The following ASXL3 variants were observed in gnomAD, a reference collection of about 807,000 sequenced individuals.
ASXL3 encodes the protein putative Polycomb group protein ASXL3.
Under a neutral mutation model 170.6 loss-of-function variants are expected in ASXL3, and 34 were observed. That is an observed-to-expected ratio of 0.20 (90% confidence interval 0.15 to 0.27). The LOEUF (loss-of-function observed/expected upper bound fraction) is 0.27, where lower values mean the gene tolerates loss of function less well. Ranked by LOEUF, ASXL3 falls within the 10% of genes least tolerant of loss-of-function variation. The pLI is 1.00. For missense variants in ASXL3, 2,592 were observed against 2,695.3 expected, an observed-to-expected ratio of 0.96 and a Z score of 0.85; for synonymous variants, 1,002 against 989.1, an observed-to-expected ratio of 1.01 and a Z score of -0.24.
intron 7 of ASXL3, among the ~76,000 whole-genome samples, chr18:33,677,520 A>G (rs2066447716): frequency 6.6e-6 from 1 of 152,210 alleles, no homozygotes; most frequent in African/African-American, 2.4e-5. Context: ...TTACAAATAT[A>G]AGAAACTGAA....
At chr18:33,728,297 TCTA>T (rs1456787949) in intron 8 of ASXL3, among the ~76,000 whole-genome samples, 1 of 152,156 alleles carries the variant, frequency 6.6e-6, no homozygotes, top group African/African-American at 2.4e-5. Context: ...CACTGTGTCT[TCTA>T]TACATGTACT....
intron 11 of ASXL3, among the ~76,000 whole-genome samples, chr18:33,740,833 A>AT (rs1177407339): frequency 4.6e-5 from 7 of 151,930 alleles, no homozygotes; most frequent in Admixed American, 1.3e-4. Flanking sequence ...ACCCAGTGTA[A>AT]TTTTTTCTAA....
In ASXL3 at chr18:33,749,943, T is replaced by A. The variant is rs2067858216; in HGVS notation, c.*3348T>A. The A allele has an allele frequency of 6.6e-6, 1 of 152,250 alleles. No individual in the cohort carries two copies. The highest frequency in any genetic ancestry group is 1.5e-5 in the Non-Finnish European group (1 of 68,072). 9.4% of individuals were successfully genotyped at this position (152,250 alleles called of 1,614,324 possible). On this transcript the variant is annotated 3_prime_UTR_variant, in exon 12 of 12. Transcript: ENST00000269197. ...AGAATACATGTTGCTGTAGCCCCATTTCCTTTACAAACCCCCGCACAATTT... is the reference window on the plus strand; with the variant it reads ...AGAATACATGTTGCTGTAGCCCCATATCCTTTACAAACCCCCGCACAATTT...
rs2145411104 is a variant in ASXL3 at position 33,738,499 on chromosome 18, A to T, written c.1095A>T (p.Ser365=). 2 of 1,609,038 alleles carry T rather than the reference A, an allele frequency of 1.2e-6. No homozygotes were observed. The highest frequency in any genetic ancestry group is 1.1e-5 in the South Asian group (1 of 90,726). ...AATTTCTGTACAGGCTGGGCATGTC[A>T]AGAGAGGAATCTGTGAAGCTCACTA... ...ERFYGEKLGM[S]REESVKLTTG... Residue 365 remains serine (S), a synonymous_variant, in exon 11 of 12, where the codon TCA becomes TCT. Transcript: ENST00000269197.
chr18:33,666,905 C>A (rs949102099), intron 5 of ASXL3, among the ~76,000 whole-genome samples: 6 of 152,258 alleles, frequency 3.9e-5, no homozygotes, highest in Non-Finnish European at 8.8e-5. Context: ...TACAGTGGGA[C>A]AAGGATGCTG....
At chr18:33,642,384 T>C (rs949575943) in intron 2 of ASXL3, among the ~76,000 whole-genome samples, 7 of 151,910 alleles carry the variant, frequency 4.6e-5, no homozygotes, top group Non-Finnish European at 1.0e-4. Context: ...GTATTTTTCA[T>C]TGTTTTTTTA....
At chr18:33,724,567 GT>G (rs1427817106) in intron 8 of ASXL3, among the ~76,000 whole-genome samples, 1 of 152,048 alleles carries the variant, frequency 6.6e-6, no homozygotes, top group Non-Finnish European at 1.5e-5. Context: ...GGGAATAGTT[GT>G]TCTATGAGAT....
Position 33,746,271 on chromosome 18 carries a change from A to G in ASXL3, c.6423A>G (p.Lys2141=), listed in dbSNP as rs1337097335. The G allele has an allele frequency of 6.2e-7, 1 of 1,614,032 alleles. No homozygotes were observed. The highest frequency in any genetic ancestry group is 2.2e-5 in the East Asian group (1 of 44,870). ...QKPFTQLAAQ[K]MQVQQQQQLC... ...CTTTTACCCAATTAGCTGCTCAGAA[A>G]ATGCAGGTGCAGCAACAACAGCAGC... is the stretch of plus-strand genomic sequence containing the variant. Residue 2141 remains lysine (K), a synonymous_variant, in exon 12 of 12, where the codon AAA becomes AAG. Transcript: ENST00000269197.
At chr18:33,663,425 A>G (rs912544498) in intron 5 of ASXL3, among the ~76,000 whole-genome samples, 4 of 152,160 alleles carry the variant, frequency 2.6e-5, no homozygotes, top group Admixed American at 2.6e-4. Context: ...TTGTACTTTC[A>G]TCATTTTGGT....
chr18:33,656,119 C>T (rs567792296), intron 4 of ASXL3, among the ~76,000 whole-genome samples: 29 of 152,174 alleles, frequency 1.9e-4, no homozygotes, highest in African/African-American at 6.7e-4. Context: ...AGACCCCGCC[C>T]TCTATTCAGA....
intron 5 of ASXL3, among the ~76,000 whole-genome samples, chr18:33,664,066 G>T (rs955155267): frequency 6.6e-6 from 1 of 152,034 alleles, no homozygotes; most frequent in African/African-American, 2.4e-5. Context: ...TACATTAGCT[G>T]ATAATTAGCT....
chr18:33,622,388 C>A (rs2065529045), intron 2 of ASXL3, among the ~76,000 whole-genome samples: 1 of 152,074 alleles, frequency 6.6e-6, no homozygotes, highest in African/African-American at 2.4e-5. Flanking sequence ...TTTTATTAAA[C>A]CCTTTGCATT....
intron 8 of ASXL3, among the ~76,000 whole-genome samples, chr18:33,704,643 G>C (rs971674746): frequency 6.6e-6 from 1 of 152,010 alleles, no homozygotes; most frequent in African/African-American, 2.4e-5. Context: ...TAAAACACAA[G>C]CATTGCCATT....
chr18:33,646,822 A>G (rs763137914), intron 4 of ASXL3, among the ~76,000 whole-genome samples: 11 of 108,324 alleles, frequency 1.0e-4, no homozygotes, highest in Non-Finnish European at 1.5e-4. Flanking sequence ...CAAATAAGAT[A>G]TTTTCTTGTT....
At chr18:33,598,166 A>G (rs889248443) in intron 1 of ASXL3, among the ~76,000 whole-genome samples, 1 of 152,204 alleles carries the variant, frequency 6.6e-6, no homozygotes, top group African/African-American at 2.4e-5. Flanking sequence ...TATTGTTTTC[A>G]GAGTTGTTAT....
chr18:33,619,655 A>G (rs1456463037), intron 2 of ASXL3, among the ~76,000 whole-genome samples: 3 of 152,108 alleles, frequency 2.0e-5, no homozygotes, highest in Non-Finnish European at 4.4e-5. Context: ...GGGTAATGGG[A>G]GAACTAAAGA....
intron 4 of ASXL3, among the ~76,000 whole-genome samples, chr18:33,658,350 A>G (rs2066115467): frequency 6.6e-6 from 1 of 152,154 alleles, no homozygotes; most frequent in Non-Finnish European, 1.5e-5. Flanking sequence ...ATTTTGTCAG[A>G]ATATGAATCT....
At chr18:33,613,554 A>G (rs1457950304) in intron 2 of ASXL3, among the ~76,000 whole-genome samples, 1 of 152,114 alleles carries the variant, frequency 6.6e-6, no homozygotes, top group African/African-American at 2.4e-5. Context: ...TAAAAGTCGT[A>G]TTTGTATACT....
chr18:33,648,437 T>G (rs938252862), intron 4 of ASXL3, among the ~76,000 whole-genome samples: 1 of 152,202 alleles, frequency 6.6e-6, no homozygotes, highest in South Asian at 2.1e-4. Flanking sequence ...AGTTGAACAA[T>G]AGCATTGTCC....
Sources: allele counts gnomAD v4.1 joint callset (sites outside exome capture counted in the v4.1 genomes callset), GRCh38; gene constraint gnomAD v4.1.1; transcripts MANE v1.5; gene names NCBI Gene and HGNC (gene_info 2026-07-23, HGNC 2026-07-21).